The following NLRP3 variants were observed in gnomAD, a reference collection of about 807,000 sequenced individuals.
NLRP3 encodes NLR family pyrin domain containing 3, also known as NACHT, LRR and PYD domains-containing protein 3.
A neutral mutation model predicts 91.3 loss-of-function variants in NLRP3; 48 were observed. The observed-to-expected ratio is 0.53, with a 90% CI of 0.42 to 0.67. The LOEUF is 0.67. NLRP3 is among the 30% of genes least tolerant of loss of function. NLRP3 has a pLI of 0.00. For synonymous variants in NLRP3, 561 were observed against 507.9 expected (o/e 1.10, Z -1.41); for missense variants, 982 against 1,276.9 (o/e 0.77, Z 3.52).
Position 247,424,432 on chromosome 1 carries a change from T to G in NLRP3, c.983T>G (p.Ile328Ser). Residue 328 changes from isoleucine to serine, a missense_variant, in exon 4 of 10, where the codon ATT (isoleucine) becomes AGT (serine). Transcript: ENST00000336119. This position sits in a 1 kb window ranked among gnomAD's most constrained non-coding sequence, Gnocchi z 8.1. ...TDWQKAERGD[I>S]LLSSLIRKKL... is the part of the protein sequence containing the mutation. ...TGGCAGAAGGCCGAGCGGGGAGACA[T>G]TCTCCTGAGCAGCCTCATCAGAAAG... The G allele has an allele frequency of 6.2e-7, 1 of 1,614,156 alleles. No homozygotes were observed. Among genetic ancestry groups the G allele is most frequent in the South Asian group, 1.1e-5 (1 of 91,080 alleles).
chr1:247,446,488 C>T (rs1183134422), intron 9 of NLRP3, among the ~76,000 whole-genome samples: 4 of 152,186 alleles, frequency 2.6e-5, no homozygotes, highest in East Asian at 1.9e-4. Flanking sequence ...CTTATTCTGC[C>T]CCAGTACAGT....
intron 6 of NLRP3, 81 bp downstream of exon 6, chr1:247,434,354 TG>T (rs3835304): frequency 0.61 from 911,976 of 1,493,470 alleles, 285,308 homozygotes; most frequent in Middle Eastern, 0.64. Context: ...CCCGGTGGGC[TG>T]GGGTTTGAGT....
chr1:247,441,135 CTTTCTTTCTT>C (rs1225650170), intron 7 of NLRP3, among the ~76,000 whole-genome samples: 2,913 of 25,788 alleles, frequency 0.11, 95 homozygotes, highest in African/African-American at 0.25. Flanking sequence ...TTTTCTCTTT[CTTTCTTTCTT>C]TCTCTCTCTC....
rs762093780 is a variant in NLRP3, at chr1:247,418,848, G to A, written c.48G>A (p.Glu16=). 2 of 1,614,148 alleles carry A rather than the reference G, an allele frequency of 1.2e-6. No homozygotes were observed. The highest frequency in any genetic ancestry group is 1.1e-5 in the South Asian group (1 of 91,086). The part of the protein sequence containing the change: ...CKLARYLEDL[E]DVDLKKFKMH... ...TGGCCAGGTACCTGGAGGACCTGGA[G>A]GATGTGGACTTGAAGAAATTTAAGA... The change falls in exon 2 of 10, where the codon GAG becomes GAA. Residue 16 remains glutamate (E), a synonymous_variant. Coordinates refer to ENST00000336119, the MANE Select transcript of NLRP3 (RefSeq NM_001243133.2).
At chr1:247,444,856 C>G in intron 9 of NLRP3, 35 bp downstream of exon 9, 1 of 1,606,774 alleles carries the variant, frequency 6.2e-7, no homozygotes, top group Non-Finnish European at 8.5e-7. Context: ...CGTGGTGGGA[C>G]TCTGAGTTCT....
chr1:247,417,340 G>A (rs1039353216), intron 1 of NLRP3, among the ~76,000 whole-genome samples: 2 of 152,202 alleles, frequency 1.3e-5, no homozygotes, highest in Admixed American at 6.5e-5. Context: ...ACCTCATAGA[G>A]CTCTGTGCAG....
intron 5 of NLRP3, among the ~76,000 whole-genome samples, chr1:247,431,772 G>A (rs896235024): frequency 2.0e-5 from 3 of 152,160 alleles, no homozygotes; most frequent in Non-Finnish European, 2.9e-5. Context: ...TGGCTTAAAT[G>A]CTTTCTGTCT....
rs1664496102 is a variant in NLRP3 at position 247,444,949 on chromosome 1, G to A, written c.3005+128G>A. 20 of 889,682 alleles carry A rather than the reference G, an allele frequency of 2.2e-5. 1 individual carries two copies. The South Asian group carries it at 3.0e-4, about 13-fold the overall frequency. 55.1% of individuals were successfully genotyped at this position (889,682 alleles called of 1,614,324 possible). ...TCAAGATTAGGTTGGGCCTGGGTCA[G>A]TTGTGGTGGATATTTTAAAATAGAG... is the stretch of plus-strand genomic sequence containing the variant. On this transcript the variant is annotated intron_variant, in intron 9 of 9. Transcript: ENST00000336119.
At chr1:247,419,314 C>T (rs984055350) in intron 2 of NLRP3, among the ~76,000 whole-genome samples, 1 of 151,990 alleles carries the variant, frequency 6.6e-6, no homozygotes, top group Non-Finnish European at 1.5e-5. Flanking sequence ...CACCTCCACG[C>T]CCGGCTAATT....
At position 247,425,410 on chromosome 1, in the gene NLRP3, A is replaced by G. The variant is rs1662799404; in HGVS notation, c.1961A>G (p.Asn654Ser). Residue 654 changes from asparagine to serine, a missense_variant, in exon 4 of 10, where the codon AAT (asparagine) becomes AGT (serine). Asn to Ser is a conservative substitution (Grantham distance 46). Around this residue, in one of 5 missense-constraint regions of NLRP3, gnomAD observed 373 missense variants for 431.5 expected, o/e 0.86. Transcript: ENST00000336119. The surrounding 1 kb of genome is among the most constrained non-coding windows in gnomAD (Gnocchi z 4.1). ...AMDYFPKIEI[N>S]LSTRMDHMVS... ...GACTATTTCCCCAAGATTGAGATCA[A>G]TCTCTCCACCAGAATGGACCACATG... 1 of 1,614,252 alleles carries G rather than the reference A, an allele frequency of 6.2e-7. No homozygotes were observed. The highest frequency in any genetic ancestry group is 1.6e-4 in the Middle Eastern group (1 of 6,062).
rs1284077497 is a variant in NLRP3 at position 247,444,831 on chromosome 1, C to T, written c.3005+10C>T. 4 of 1,613,272 alleles carry T rather than the reference C, an allele frequency of 2.5e-6. No homozygotes were observed. Among genetic ancestry groups the T allele is most frequent in the Non-Finnish European group, 3.4e-6 (4 of 1,179,838 alleles). On this transcript the variant is annotated intron_variant, in intron 9 of 9. Transcript: ENST00000336119. ...TCCTGCAGAACCTGGGGTGAGTGTG[C>T]TCTGCAGAGATGCCCGTGGTGGGAC... is the stretch of plus-strand genomic sequence containing the variant.
intron 6 of NLRP3, 55 bp downstream of exon 6, chr1:247,434,328 T>C (rs1300748180): frequency 3.8e-6 from 6 of 1,599,374 alleles, no homozygotes; most frequent in Middle Eastern, 1.6e-4. Flanking sequence ...TGCTGCGCAC[T>C]CTGGCTTCAG....
In NLRP3 at chr1:247,444,621, C is replaced by A. The variant is rs758616552; in HGVS notation, c.2835-30C>A. The A allele has an allele frequency of 1.1e-5, 18 of 1,611,412 alleles. No homozygotes were observed. In the East Asian group the frequency reaches 4.0e-4, roughly 36 times the overall value. On this transcript the variant is annotated intron_variant, in intron 8 of 9. Transcript: ENST00000336119. ...GGAGCTAGGGGGATGGTTAAGGGGA[C>A]ATTTTCTTTAAATCACCCCCTTTTT... is the stretch of plus-strand genomic sequence containing the variant.
rs147198684 is a variant in NLRP3, at chr1:247,424,178, G to A, written c.729G>A (p.Ser243=). 33 of 1,613,854 alleles carry A rather than the reference G, an allele frequency of 2.0e-5. No individual in the cohort carries two copies. The highest frequency in any genetic ancestry group is 3.3e-5 in the South Asian group (3 of 91,056). Residue 243 remains serine, a synonymous_variant, in exon 4 of 10, where the codon TCG becomes TCA. Coordinates refer to ENST00000336119, the MANE Select transcript of NLRP3 (RefSeq NM_001243133.2). This position sits in a 1 kb window ranked among gnomAD's most constrained non-coding sequence, Gnocchi z 8.1. Reference sequence around the variant, plus strand: ...GGAAGATGATGTTGGACTGGGCGTCGGGGACACTCTACCAAGACAGGTTTG... The same window carrying A: ...GGAAGATGATGTTGGACTGGGCGTCAGGGACACTCTACCAAGACAGGTTTG... ...LARKMMLDWA[S]GTLYQDRFDY...
At chr1:247,439,081 A>C (rs983220594) in intron 7 of NLRP3, among the ~76,000 whole-genome samples, 1 of 80,138 alleles carries the variant, frequency 1.2e-5, no homozygotes, top group African/African-American at 3.4e-5. Context: ...AGGGAGTATC[A>C]GAGCTTTGTG....
chr1:247,431,223 G>C (rs1663300020), intron 5 of NLRP3, among the ~76,000 whole-genome samples: 1 of 151,032 alleles, frequency 6.6e-6, no homozygotes, highest in Admixed American at 6.6e-5. Context: ...AAATGTGCTT[G>C]CTTTCTCCCA....
Position 247,418,866 on chromosome 1 carries a change from A to T in NLRP3, c.66A>T (p.Lys22Asn). 1 of 1,614,136 alleles carries T rather than the reference A, an allele frequency of 6.2e-7. No homozygotes were observed. Among genetic ancestry groups the T allele is most frequent in the Non-Finnish European group, 8.5e-7 (1 of 1,180,020 alleles). ...ACCTGGAGGATGTGGACTTGAAGAA[A>T]TTTAAGATGCACTTAGAGGACTATC... ...LEDLEDVDLK[K>N]FKMHLEDYPP... The change falls in exon 2 of 10, where the codon AAA becomes AAT. Residue 22 changes from lysine (K) to asparagine (N), a missense_variant. Physicochemically the swap from Lys to Asn is moderately conservative, Grantham distance 94. This residue lies in a region of NLRP3 where 548 missense variants were observed against 713.7 expected (regional missense o/e 0.77). Transcript: ENST00000336119.
chr1:247,434,016 A>G lies in NLRP3; in HGVS notation c.2322-87A>G, dbSNP rs74997528. On this transcript the variant is annotated intron_variant, in intron 5 of 9. Coordinates refer to ENST00000336119, the MANE Select transcript of NLRP3 (RefSeq NM_001243133.2). ...GCTTTCTCTATTCCGGAGCTTCCTG[A>G]TCAGGTGTGTCCTGATGCTTCCTCT... 10,639 of 767,466 alleles carry G rather than the reference A, an allele frequency of 0.014. 1,142 individuals carry two copies. The highest frequency in any genetic ancestry group is 0.037 in the Admixed American group (1,380 of 37,230). 47.5% of individuals were successfully genotyped at this position (767,466 alleles called of 1,614,324 possible). A position where few individuals can be genotyped will look rare whatever the true frequency, so the allele number is the denominator to read the frequency against.
At position 247,448,620 on chromosome 1, in the gene NLRP3, G is replaced by T. The variant is rs199713471; in HGVS notation, c.*116G>T. 3.6e-4 allele frequency: 269 copies of T among 749,196 alleles called. 2 individuals are homozygous for T. The African/African-American group carries it at 4.3e-3, about 12-fold the overall frequency. The allele number at this position is 749,196 out of a possible 1,614,324, so 46.4% of individuals were successfully genotyped here. ...AGACCACAGCTCTGTGATCCTTCCG[G>T]TGGAGTGTCGGAGAAGAGAGCTTGC... is the stretch of plus-strand genomic sequence containing the variant. On this transcript the variant is annotated 3_prime_UTR_variant, in exon 10 of 10. Coordinates refer to ENST00000336119, the MANE Select transcript of NLRP3 (RefSeq NM_001243133.2).
Sources: allele counts gnomAD v4.1 joint callset (sites outside exome capture counted in the v4.1 genomes callset), GRCh38; gene constraint gnomAD v4.1.1; regional missense constraint gnomAD v4.1.1; non-coding constraint Gnocchi (gnomAD v3.1); transcripts MANE v1.5; gene names NCBI Gene and HGNC (gene_info 2026-07-23, HGNC 2026-07-21).